TBC1D4: variants seen among roughly 807,000 people sequenced by gnomAD.
TBC1D4 encodes the protein TBC1 domain family member 4.
TBC1D4 carries 121 observed loss-of-function variants against 142.5 expected under a neutral mutation model. That is an observed-to-expected ratio of 0.85 (90% CI 0.73 to 0.99). The LOEUF (loss-of-function observed/expected upper bound fraction) is 0.99. Ranked by LOEUF, TBC1D4 falls within the 50% of genes least tolerant of loss-of-function variation. TBC1D4 has a pLI of 0.00. For missense variants in TBC1D4, 1,475 were observed against 1,606.6 expected (o/e 0.92, Z 1.40); for synonymous variants, 630 against 628.2 (o/e 1.00, Z -0.04).
intron 7 of TBC1D4, among the ~76,000 whole-genome samples, chr13:75,340,823 G>A (rs1880625924): frequency 6.6e-6 from 1 of 152,142 alleles, no homozygotes; most frequent in Non-Finnish European, 1.5e-5. Context: ...GTGCATGCCT[G>A]TAGTCCCAGC....
At chr13:75,447,500 ATGTGTGTGTGTGTGTG>A (rs35775136) in intron 1 of TBC1D4, among the ~76,000 whole-genome samples, 7 of 145,246 alleles carry the variant, frequency 4.8e-5, no homozygotes, top group African/African-American at 1.0e-4. Context: ...CATAGTGTGA[ATGTGTGTGTGTGTGTG>A]TGTGTGTGTG....
intron 4 of TBC1D4, 136 bp downstream of exon 4, chr13:75,356,011 G>A (rs1566418362): frequency 5.6e-6 from 4 of 720,018 alleles, no homozygotes; most frequent in Non-Finnish European, 9.9e-6. Flanking sequence ...TGCTTTGAAG[G>A]GGAGGAACAT....
chr13:75,365,725 C>T (rs976086970), intron 1 of TBC1D4, among the ~76,000 whole-genome samples: 1 of 152,148 alleles, frequency 6.6e-6, no homozygotes, highest in African/African-American at 2.4e-5. Context: ...CCTGTACCAT[C>T]GTACCATAAG....
intron 1 of TBC1D4, among the ~76,000 whole-genome samples, chr13:75,448,690 G>A (rs1218583254): frequency 4.0e-5 from 6 of 151,786 alleles, no homozygotes; most frequent in South Asian, 2.1e-4. Context: ...ACCAAACACC[G>A]TAGATGAATG....
chr13:75,470,156 G>T (rs767319501), intron 1 of TBC1D4, among the ~76,000 whole-genome samples: 17 of 152,078 alleles, frequency 1.1e-4, no homozygotes, highest in Non-Finnish European at 2.2e-4. Context: ...TAGAGCAGGG[G>T]TTATCAATTT....
At chr13:75,471,904 C>T (rs1469923293) in intron 1 of TBC1D4, among the ~76,000 whole-genome samples, 1 of 151,464 alleles carries the variant, frequency 6.6e-6, no homozygotes, top group Non-Finnish European at 1.5e-5. Context: ...GTCGGGAGTG[C>T]GAGACCAGCC....
chr13:75,422,187 A>C (rs1886198232), intron 1 of TBC1D4, among the ~76,000 whole-genome samples: 1 of 152,236 alleles, frequency 6.6e-6, no homozygotes. Context: ...AATACTGAGC[A>C]AAGATGAGTT....
chr13:75,356,010 G>C, intron 4 of TBC1D4, 137 bp downstream of exon 4: 1 of 718,318 alleles, frequency 1.4e-6, no homozygotes, highest in South Asian at 1.5e-5. Flanking sequence ...CTGCTTTGAA[G>C]GGGAGGAACA....
intron 1 of TBC1D4, among the ~76,000 whole-genome samples, chr13:75,381,456 G>A (rs1883842296): frequency 6.6e-6 from 1 of 152,202 alleles, no homozygotes; most frequent in African/African-American, 2.4e-5. Context: ...TTTCTCCAAT[G>A]ATTTAAATTT....
chr13:75,429,716 C>G (rs952120694), intron 1 of TBC1D4, among the ~76,000 whole-genome samples: 7 of 151,390 alleles, frequency 4.6e-5, no homozygotes, highest in Non-Finnish European at 8.8e-5. Flanking sequence ...AAACAAAACA[C>G]CTGAGAGAAA....
chr13:75,288,622 C>T lies in TBC1D4; in HGVS notation c.3663+312G>A, dbSNP rs1874933924. Among the ~76,000 whole-genome samples the T allele has an allele frequency of 2.6e-5, 4 of 152,164 alleles. No homozygotes were observed. In the South Asian group the frequency reaches 6.2e-4, roughly 24 times the overall value. On this transcript the variant is annotated intron_variant, in intron 20 of 20. Coordinates refer to ENST00000377636, the MANE Select transcript of TBC1D4 (RefSeq NM_014832.5). The stretch of plus-strand genomic sequence containing the variant: ...GATTCCAGCTCAAGCCCAGGTCCTT[C>T]ACAACTTCATCAATTTCCTACATTC...
rs1280973355 is a variant in TBC1D4, at chr13:75,327,822, G to C, written c.1736C>G (p.Ala579Gly). 8 of 1,613,748 alleles carry C rather than the reference G, an allele frequency of 5.0e-6. No homozygotes were observed. The highest frequency in any genetic ancestry group is 6.8e-6 in the Non-Finnish European group (8 of 1,179,828). ...SSLENIFSRG[A>G]NRMRGRLGSV... ...TCCAAGCCGACCTCTCATTCTGTTA[G>C]CTCCCTGAGTGAAAAGAATAAAATT... Residue 579 changes from alanine (A) to glycine (G), a missense_variant, in exon 9 of 21, where the codon GCT (alanine) becomes GGT (glycine). Ala to Gly is a moderately conservative substitution (Grantham distance 60). Coordinates refer to ENST00000377636, the MANE Select transcript of TBC1D4 (RefSeq NM_014832.5).
intron 1 of TBC1D4, among the ~76,000 whole-genome samples, chr13:75,404,832 T>A (rs974560042): frequency 3.3e-5 from 5 of 151,818 alleles, no homozygotes; most frequent in Non-Finnish European, 5.9e-5. Flanking sequence ...TGAACAAGAG[T>A]AGAACTATGT....
intron 1 of TBC1D4, among the ~76,000 whole-genome samples, chr13:75,413,942 A>C (rs1390158823): frequency 6.6e-6 from 1 of 152,182 alleles, no homozygotes; most frequent in Non-Finnish European, 1.5e-5. Flanking sequence ...CCATGATGTC[A>C]AGAAGGGTCC....
At chr13:75,415,096 C>A (rs945852632) in intron 1 of TBC1D4, among the ~76,000 whole-genome samples, 2 of 144,082 alleles carry the variant, frequency 1.4e-5, no homozygotes, top group African/African-American at 5.0e-5. Flanking sequence ...TGCGCTCCAG[C>A]CTGGGTGACA....
rs1188289675 is a variant in TBC1D4, at chr13:75,467,701, A to G, written c.498+13569T>C. ...TCTTTCCTTGTGTAGTTTTTTCTTTAAAGTAGAACCCCAACCCACAAGAAT... is the reference window on the plus strand; with the variant it reads ...TCTTTCCTTGTGTAGTTTTTTCTTTGAAGTAGAACCCCAACCCACAAGAAT... On this transcript the variant is annotated intron_variant, in intron 1 of 20. Coordinates refer to ENST00000377636, the MANE Select transcript of TBC1D4 (RefSeq NM_014832.5). 2.0e-5 allele frequency among the ~76,000 whole-genome samples: 3 copies of G among 152,324 alleles called. No homozygotes were observed. The East Asian group carries it at 5.8e-4, about 29-fold the overall frequency.
Position 75,292,285 on chromosome 13 carries a change from T to G in TBC1D4, c.3317-14A>C. On this transcript the variant is annotated splice_polypyrimidine_tract_variant and intron_variant, in intron 18 of 20. Transcript: ENST00000377636. ...GAAAAATAATATCTAAAAGAAGAGATATAATTTTCATGATCAAAACTATGC... is the reference window on the plus strand; with the variant it reads ...GAAAAATAATATCTAAAAGAAGAGAGATAATTTTCATGATCAAAACTATGC... 2.5e-6 allele frequency: 4 copies of G among 1,603,778 alleles called. No individual in the cohort carries two copies. The highest frequency in any genetic ancestry group is 1.1e-5 in the South Asian group (1 of 90,194).
At chr13:75,337,583 CTA>C (rs1455737640) in intron 7 of TBC1D4, among the ~76,000 whole-genome samples, 16 of 152,290 alleles carry the variant, frequency 1.1e-4, no homozygotes, top group African/African-American at 3.8e-4. Context: ...ATTAGGTTCT[CTA>C]TGTATTTTAT....
At chr13:75,361,919 G>A in intron 2 of TBC1D4, 107 bp downstream of exon 2, 1 of 1,330,806 alleles carries the variant, frequency 7.5e-7, no homozygotes. Context: ...ACAAATAAAA[G>A]TTAGATTATT....
Sources: gnomAD v4.1 joint callset for allele counts (sites outside exome capture counted in the v4.1 genomes callset) on GRCh38, gnomAD v4.1.1 for gene constraint, MANE v1.5 for transcripts, NCBI Gene and HGNC (gene_info 2026-07-23, HGNC 2026-07-21) for gene names.